Variants in GPC6 observed in about 807,000 individuals in gnomAD.
The protein encoded by GPC6 is glypican-6.
A neutral mutation model predicts 55.2 loss-of-function variants in GPC6; 14 were observed. The observed-to-expected ratio is 0.25, with a 90% CI of 0.17 to 0.40. The LOEUF is 0.40. GPC6 is among the 10% of genes least tolerant of loss of function. The probability of loss-of-function intolerance (pLI) is 1.00; values close to 1 mark genes in which losing one functional copy is unlikely to be tolerated. For synonymous variants in GPC6, 278 were observed against 259.6 expected (o/e 1.07, Z -0.68); for missense variants, 641 against 708.5 (o/e 0.90, Z 1.08).
Position 93,830,302 on chromosome 13 carries a change from T to C in GPC6, c.468T>C (p.Asn156=). 2 of 1,614,004 alleles carry C rather than the reference T, an allele frequency of 1.2e-6. No individual in the cohort carries two copies. Among genetic ancestry groups the C allele is most frequent in the Non-Finnish European group, 1.7e-6 (2 of 1,179,952 alleles). ...LKRYYTGGNV[N]LEEMLNDFWA... ...GGTACTACACTGGGGGTAATGTGAA[T>C]CTGGAGGAAATGCTCAATGACTTTT... Residue 156 remains asparagine, a synonymous_variant, in exon 3 of 9, where the codon AAT becomes AAC. Transcript: ENST00000377047.
At chr13:94,007,139 G>C (rs956875948) in intron 3 of GPC6, among the ~76,000 whole-genome samples, 2 of 152,080 alleles carry the variant, frequency 1.3e-5, no homozygotes, top group South Asian at 2.1e-4. Flanking sequence ...TCAGATTCCT[G>C]AAATCCATCT....
At chr13:94,291,209 G>C (rs747344216) in intron 5 of GPC6, among the ~76,000 whole-genome samples, 46 of 146,138 alleles carry the variant, frequency 3.1e-4, no homozygotes, top group Non-Finnish European at 3.8e-4. Context: ...AAAAAGAAAA[G>C]AAAGAAAAAA....
chr13:94,244,469 A>G (rs1376124124), intron 4 of GPC6, among the ~76,000 whole-genome samples: 1 of 152,094 alleles, frequency 6.6e-6, no homozygotes, highest in African/African-American at 2.4e-5. Flanking sequence ...CAATAGATCT[A>G]TAACTTGACC....
At chr13:94,044,926 G>A (rs1883673727) in intron 4 of GPC6, among the ~76,000 whole-genome samples, 1 of 151,608 alleles carries the variant, frequency 6.6e-6, no homozygotes, top group African/African-American at 2.4e-5. Flanking sequence ...TCATATAAAG[G>A]ATTTTTTTAA....
chr13:94,127,377 G>A (rs1886855339), intron 4 of GPC6, among the ~76,000 whole-genome samples: 1 of 151,954 alleles, frequency 6.6e-6, no homozygotes. Context: ...TCATTTGAAA[G>A]CACCTCCCCT....
intron 2 of GPC6, among the ~76,000 whole-genome samples, chr13:93,568,611 G>A (rs576600838): frequency 6.6e-6 from 1 of 152,164 alleles, no homozygotes; most frequent in Admixed American, 6.5e-5. Context: ...GTGAATAAAA[G>A]AGAAGATATC....
chr13:93,256,864 A>C (rs183100557), intron 1 of GPC6, among the ~76,000 whole-genome samples: 8 of 152,264 alleles, frequency 5.3e-5, no homozygotes, highest in African/African-American at 1.4e-4. Context: ...TGATGTTGAG[A>C]TGTTTCTATA....
chr13:93,967,725 A>G (rs1421254181), intron 3 of GPC6, among the ~76,000 whole-genome samples: 1 of 152,242 alleles, frequency 6.6e-6, no homozygotes, highest in Non-Finnish European at 1.5e-5. Flanking sequence ...AAAATTCTAG[A>G]GAAATCACTT....
chr13:94,093,802 G>A (rs1885576060), intron 4 of GPC6, among the ~76,000 whole-genome samples: 1 of 152,174 alleles, frequency 6.6e-6, no homozygotes, highest in Admixed American at 6.5e-5. Context: ...CCTGATGGCA[G>A]AAGTTGTAAA....
At chr13:94,384,084 T>C (rs1278911077) in intron 7 of GPC6, among the ~76,000 whole-genome samples, 2 of 152,176 alleles carry the variant, frequency 1.3e-5, no homozygotes, top group Non-Finnish European at 2.9e-5. Context: ...ACCATACCAA[T>C]TGCTAATGAC....
At chr13:94,212,933 A>G (rs951541595) in intron 4 of GPC6, among the ~76,000 whole-genome samples, 3 of 152,228 alleles carry the variant, frequency 2.0e-5, no homozygotes, top group Non-Finnish European at 4.4e-5. Context: ...CAAGGTGGGC[A>G]GATCACAAGG....
intron 2 of GPC6, among the ~76,000 whole-genome samples, chr13:93,603,787 A>G (rs939796125): frequency 7.9e-5 from 12 of 152,248 alleles, no homozygotes; most frequent in African/African-American, 2.9e-4. Context: ...GGACACTAAT[A>G]TCTCTATATC....
chr13:93,804,982 T>C (rs2138943063), intron 2 of GPC6, among the ~76,000 whole-genome samples: 1 of 152,184 alleles, frequency 6.6e-6, no homozygotes, highest in South Asian at 2.1e-4. Flanking sequence ...ATTAAATGAG[T>C]TTTTAACAAA....
intron 2 of GPC6, among the ~76,000 whole-genome samples, chr13:93,681,423 G>A (rs1845826788): frequency 6.6e-6 from 1 of 151,946 alleles, no homozygotes; most frequent in African/African-American, 2.4e-5. Context: ...GGGATTTGGG[G>A]GTATATGTTT....
Position 93,348,794 on chromosome 13 carries a change from A to C in GPC6, c.160+121178A>C, listed in dbSNP as rs9589714. 8.0e-3 allele frequency among the ~76,000 whole-genome samples: 1,221 copies of C among 152,328 alleles called. 21 individuals carry two copies. Among genetic ancestry groups the C allele is most frequent in the African/African-American group, 0.028 (1,151 of 41,576 alleles). Reference sequence around the variant, plus strand: ...CTTCTACTAGCAGCAAAGAAAGCCCATACAAATTTAATGAATAGAAGCTGG... The same window carrying C: ...CTTCTACTAGCAGCAAAGAAAGCCCCTACAAATTTAATGAATAGAAGCTGG... On this transcript the variant is annotated intron_variant, in intron 1 of 8. Coordinates refer to ENST00000377047, the MANE Select transcript of GPC6 (RefSeq NM_005708.5).
At chr13:94,125,263 A>G (rs897011125) in intron 4 of GPC6, among the ~76,000 whole-genome samples, 2 of 152,086 alleles carry the variant, frequency 1.3e-5, no homozygotes, top group African/African-American at 2.4e-5. Context: ...TTTTATGACA[A>G]TGTCTTGTAT....
chr13:94,058,235 A>C (rs1379444745), intron 4 of GPC6, among the ~76,000 whole-genome samples: 1 of 152,208 alleles, frequency 6.6e-6, no homozygotes, highest in Admixed American at 6.5e-5. Context: ...TTGAGAATGG[A>C]AAGTTGGGAC....
intron 2 of GPC6, among the ~76,000 whole-genome samples, chr13:93,713,537 G>A (rs1410329772): frequency 6.6e-6 from 1 of 151,678 alleles, no homozygotes; most frequent in African/African-American, 2.4e-5. Flanking sequence ...AGCTTGTGCT[G>A]TCACCCAGGC....
intron 1 of GPC6, among the ~76,000 whole-genome samples, chr13:93,495,525 G>A (rs1225579514): frequency 2.9e-5 from 4 of 136,662 alleles, no homozygotes; most frequent in Middle Eastern, 3.6e-3. Context: ...CTCTCAGCTC[G>A]TCAAAATCAT....
Sources: gnomAD v4.1 joint callset for allele counts (sites outside exome capture counted in the v4.1 genomes callset) on GRCh38, gnomAD v4.1.1 for gene constraint, MANE v1.5 for transcripts, NCBI Gene and HGNC (gene_info 2026-07-23, HGNC 2026-07-21) for gene names.